Variants in PPARGC1A observed in about 807,000 individuals in gnomAD.
PPARGC1A encodes peroxisome proliferator-activated receptor gamma coactivator 1-alpha.
In PPARGC1A, 25 loss-of-function variants were observed where a neutral mutation model predicts 88.7. The observed-to-expected ratio is 0.28, with a 90% CI of 0.21 to 0.39. The LOEUF (loss-of-function observed/expected upper bound fraction) is 0.39, where lower values mean the gene tolerates loss of function less well. Among genes scored for constraint, PPARGC1A ranks in the 10% least tolerant of loss-of-function variants. The pLI, the probability that PPARGC1A is intolerant of heterozygous loss-of-function variation, is 1.00. For synonymous variants in PPARGC1A, 363 were observed against 355.6 expected (o/e 1.02, Z -0.24); for missense variants, 880 against 968.7 (o/e 0.91, Z 1.22).
chr4:24,252,765 A>C, the PPARGC1A span, among the ~76,000 whole-genome samples: 1 of 152,238 alleles, frequency 6.6e-6, no homozygotes, highest in Non-Finnish European at 1.5e-5. Context: ...CCACTGAAAT[A>C]ATACAACCTT....
At chr4:24,174,783 T>C in the PPARGC1A span, among the ~76,000 whole-genome samples, 16 of 152,182 alleles carry the variant, frequency 1.1e-4, no homozygotes, top group Admixed American at 2.6e-4. Context: ...CCACAGCCGA[T>C]GATCCAGGCA....
the PPARGC1A span, among the ~76,000 whole-genome samples, chr4:24,165,018 G>A: frequency 6.6e-6 from 1 of 152,070 alleles, no homozygotes; most frequent in East Asian, 1.9e-4. Context: ...ACTAAAAGGA[G>A]TAGCTACAAT....
chr4:24,105,466 G>A, the PPARGC1A span, among the ~76,000 whole-genome samples: 23 of 152,264 alleles, frequency 1.5e-4, no homozygotes, highest in Admixed American at 5.2e-4. Flanking sequence ...TAGCAGGGGC[G>A]AAAATCAATG....
chr4:24,279,621 A>T, the PPARGC1A span, among the ~76,000 whole-genome samples: 1 of 152,256 alleles, frequency 6.6e-6, no homozygotes, highest in East Asian at 1.9e-4. Flanking sequence ...GTTGATTCAC[A>T]CATGGTCTTC....
the PPARGC1A span, among the ~76,000 whole-genome samples, chr4:24,230,525 C>T: frequency 6.6e-6 from 1 of 152,128 alleles, no homozygotes; most frequent in African/African-American, 2.4e-5. Context: ...CCTACTCTTC[C>T]CAAATCCACA....
At chr4:24,052,969 T>G in the PPARGC1A span, among the ~76,000 whole-genome samples, 1 of 141,988 alleles carries the variant, frequency 7.0e-6, no homozygotes, top group African/African-American at 2.6e-5. Context: ...GTTCATGCCA[T>G]TCTCCTGCCT....
the PPARGC1A span, among the ~76,000 whole-genome samples, chr4:23,954,591 A>C: frequency 1.3e-5 from 2 of 152,038 alleles, no homozygotes; most frequent in Admixed American, 6.6e-5. Context: ...ATAGATGCCA[A>C]TCTGAAATAT....
At chr4:23,872,586 A>G (rs1713624416) in intron 2 of PPARGC1A, among the ~76,000 whole-genome samples, 1 of 152,192 alleles carries the variant, frequency 6.6e-6, no homozygotes, top group Non-Finnish European at 1.5e-5. Context: ...TGCTAGTGAT[A>G]ACTGGGTAAC....
In PPARGC1A at chr4:23,824,847, A is replaced by G. The variant is rs558292382; in HGVS notation, c.758-339T>C. ...AATACAGTACACGGTTTGTTTAGAC[A>G]AGAAAACAGCAGAGCAACTATAAGG... is the stretch of plus-strand genomic sequence containing the variant. On this transcript the variant is annotated intron_variant, in intron 5 of 12. Transcript: ENST00000264867. Among the ~76,000 whole-genome samples the G allele has an allele frequency of 4.6e-5, 7 of 152,276 alleles. No individual in the cohort carries two copies. In the East Asian group the frequency reaches 1.4e-3, roughly 29 times the overall value.
At chr4:23,920,978 G>A in the PPARGC1A span, among the ~76,000 whole-genome samples, 6 of 152,124 alleles carry the variant, frequency 3.9e-5, no homozygotes, top group South Asian at 8.3e-4. Context: ...ACAGCAAGGA[G>A]GCTAGAGGAC....
the PPARGC1A span, among the ~76,000 whole-genome samples, chr4:24,244,271 A>T: frequency 1.1e-4 from 17 of 152,338 alleles, no homozygotes; most frequent in East Asian, 2.5e-3. Context: ...AGGGGTGCAC[A>T]GAACTGCCTT....
the PPARGC1A span, among the ~76,000 whole-genome samples, chr4:23,989,438 C>A: frequency 1.3e-5 from 2 of 151,902 alleles, no homozygotes; most frequent in Admixed American, 1.3e-4. Flanking sequence ...ATTATCATAT[C>A]TTATCCCCTT....
At chr4:24,192,164 A>G in the PPARGC1A span, among the ~76,000 whole-genome samples, 2 of 152,130 alleles carry the variant, frequency 1.3e-5, no homozygotes, top group African/African-American at 2.4e-5. Context: ...ATGGAGTGGG[A>G]AAAATGTTGT....
chr4:24,086,865 G>A, the PPARGC1A span, among the ~76,000 whole-genome samples: 1 of 152,070 alleles, frequency 6.6e-6, no homozygotes, highest in African/African-American at 2.4e-5. Flanking sequence ...TCATAAAGAC[G>A]CTACTATAAT....
At chr4:24,320,603 C>A in the PPARGC1A span, among the ~76,000 whole-genome samples, 4 of 150,946 alleles carry the variant, frequency 2.6e-5, no homozygotes. Context: ...TAACGAATGT[C>A]CTTTGAAAAC....
intron 2 of PPARGC1A, chr4:23,884,101 A>C (rs1341460138): frequency 6.6e-6 from 1 of 152,234 alleles, no homozygotes; most frequent in Non-Finnish European, 1.5e-5. Flanking sequence ...TAACACTTTA[A>C]TAGGAATAGA....
rs1716723534 is a variant in PPARGC1A, at chr4:23,792,023, G to A, written c.*3799C>T. On this transcript the variant is annotated 3_prime_UTR_variant, in exon 13 of 13. Transcript: ENST00000264867. ...ACGATAAATAAGAAAAGCAGAAGTA[G>A]ATTTGAAACATTCGTTTCCCTTTAT... is the stretch of plus-strand genomic sequence containing the variant. The A allele has an allele frequency of 6.6e-6, 1 of 152,598 alleles. No individual in the cohort carries two copies. The highest frequency in any genetic ancestry group is 6.6e-5 in the Admixed American group (1 of 15,260). 9.5% of individuals were successfully genotyped at this position (152,598 alleles called of 1,614,324 possible).
At chr4:23,938,753 CAAG>C in the PPARGC1A span, among the ~76,000 whole-genome samples, 1 of 152,154 alleles carries the variant, frequency 6.6e-6, no homozygotes, top group Non-Finnish European at 1.5e-5. Flanking sequence ...AACAGATAAA[CAAG>C]AAGGTTAGGA....
chr4:24,074,443 G>T, the PPARGC1A span, among the ~76,000 whole-genome samples: 1 of 150,478 alleles, frequency 6.6e-6, no homozygotes. Flanking sequence ...TTTTTTTTTT[G>T]GCTTAACTCC....
Sources: allele counts gnomAD v4.1 joint callset (sites outside exome capture counted in the v4.1 genomes callset), GRCh38; gene constraint gnomAD v4.1.1; transcripts MANE v1.5; gene names NCBI Gene and HGNC (gene_info 2026-07-23, HGNC 2026-07-21).